MNAT1: variants seen among roughly 807,000 people sequenced by gnomAD.
MNAT1 encodes CDK-activating kinase assembly factor MAT1.
A neutral mutation model predicts 42.0 loss-of-function variants in MNAT1; 43 were observed. The ratio of observed to expected loss-of-function variants is 1.02; its 90% confidence interval spans 0.80 to 1.32. MNAT1 has a LOEUF of 1.32. Among genes scored for constraint, MNAT1 ranks in the 40% most tolerant of loss-of-function variants. The probability of loss-of-function intolerance (pLI) is 0.00; values close to 1 mark genes in which losing one functional copy is unlikely to be tolerated. For missense variants in MNAT1, 306 were observed against 350.4 expected, an observed-to-expected ratio of 0.87 and a Z score of 1.01; for synonymous variants, 118 against 120.0, an observed-to-expected ratio of 0.98 and a Z score of 0.11.
chr14:60,860,012 C>G (rs1039523381), intron 6 of MNAT1, among the ~76,000 whole-genome samples: 2 of 152,162 alleles, frequency 1.3e-5, no homozygotes, highest in African/African-American at 4.8e-5. Context: ...AGTTTTCTCT[C>G]CTGAATTGTT....
intron 1 of MNAT1, among the ~76,000 whole-genome samples, chr14:60,777,514 T>C (rs572490244): frequency 2.6e-5 from 4 of 151,868 alleles, no homozygotes; most frequent in Non-Finnish European, 5.9e-5. Flanking sequence ...AGGTATTTGA[T>C]TTAATCTCAT....
At chr14:60,931,066 G>A (rs1201737145) in intron 7 of MNAT1, among the ~76,000 whole-genome samples, 1 of 152,152 alleles carries the variant, frequency 6.6e-6, no homozygotes, top group Non-Finnish European at 1.5e-5. Flanking sequence ...AAAATAAAGT[G>A]CCAAAATAAG....
At chr14:60,916,035 G>T (rs979409390) in intron 7 of MNAT1, among the ~76,000 whole-genome samples, 1 of 152,150 alleles carries the variant, frequency 6.6e-6, no homozygotes, top group Non-Finnish European at 1.5e-5. Flanking sequence ...GAGCGCTGTG[G>T]TAACTTTTCC....
chr14:60,868,070 T>G (rs1315744844), intron 6 of MNAT1, among the ~76,000 whole-genome samples: 1 of 151,900 alleles, frequency 6.6e-6, no homozygotes, highest in Non-Finnish European at 1.5e-5. Flanking sequence ...TAAAATAAAT[T>G]GAAAACAACT....
intron 1 of MNAT1, among the ~76,000 whole-genome samples, chr14:60,760,363 A>C (rs2030551133): frequency 6.6e-6 from 1 of 152,096 alleles, no homozygotes; most frequent in South Asian, 2.1e-4. Flanking sequence ...AATTCCCTGC[A>C]ACAGTGTACA....
intron 3 of MNAT1, among the ~76,000 whole-genome samples, chr14:60,807,582 T>C (rs1212353034): frequency 6.6e-6 from 1 of 152,210 alleles, no homozygotes; most frequent in Non-Finnish European, 1.5e-5. Flanking sequence ...TTTTTAATTG[T>C]TCAGAGTATT....
chr14:60,899,986 A>G (rs2035038700), intron 7 of MNAT1, among the ~76,000 whole-genome samples: 1 of 151,946 alleles, frequency 6.6e-6, no homozygotes. Flanking sequence ...CTGTACCCGT[A>G]TAAGAAGGTG....
At chr14:60,858,595 G>A (rs947153609) in intron 6 of MNAT1, among the ~76,000 whole-genome samples, 3 of 152,078 alleles carry the variant, frequency 2.0e-5, no homozygotes, top group African/African-American at 7.2e-5. Flanking sequence ...TGCGTTAAAT[G>A]CTTTCAAACA....
At chr14:60,765,117 G>A (rs954732985) in intron 1 of MNAT1, among the ~76,000 whole-genome samples, 1 of 152,192 alleles carries the variant, frequency 6.6e-6, no homozygotes, top group African/African-American at 2.4e-5. Flanking sequence ...CTGGGCTTGC[G>A]GCGCATGCCT....
At chr14:60,909,165 G>C (rs898250862) in intron 7 of MNAT1, among the ~76,000 whole-genome samples, 12 of 152,040 alleles carry the variant, frequency 7.9e-5, no homozygotes, top group African/African-American at 2.7e-4. Context: ...CTTTTTGATG[G>C]GGTTTTTTGT....
intron 7 of MNAT1, among the ~76,000 whole-genome samples, chr14:60,906,801 T>G (rs2035210079): frequency 6.6e-6 from 1 of 152,240 alleles, no homozygotes; most frequent in Non-Finnish European, 1.5e-5. Flanking sequence ...AAAAATCTTT[T>G]GTTGGTCCAA....
rs138163390 is a variant in MNAT1 at position 60,828,622 on chromosome 14, A to G, written c.687+9775A>G. 2.7e-3 allele frequency among the ~76,000 whole-genome samples: 406 copies of G among 152,122 alleles called. 2 individuals carry two copies. The highest frequency in any genetic ancestry group is 8.3e-3 in the African/African-American group (344 of 41,490). ...CACCAATAGGATTTCCTACAGTTTAACCCAATTCTGACACTAACCGGAATT... is the reference window on the plus strand; with the variant it reads ...CACCAATAGGATTTCCTACAGTTTAGCCCAATTCTGACACTAACCGGAATT... On this transcript the variant is annotated intron_variant, in intron 6 of 7. Transcript: ENST00000261245.
intron 6 of MNAT1, among the ~76,000 whole-genome samples, chr14:60,847,403 CAAAA>C (rs77882001): frequency 1.8e-5 from 1 of 54,606 alleles, no homozygotes. Flanking sequence ...GACAACGTCT[CAAAA>C]AAAAAAAAAA....
At chr14:60,886,637 A>T (rs1281145100) in intron 7 of MNAT1, among the ~76,000 whole-genome samples, 1 of 152,062 alleles carries the variant, frequency 6.6e-6, no homozygotes, top group Non-Finnish European at 1.5e-5. Context: ...TTGATTACAA[A>T]AAAGCTAATG....
intron 7 of MNAT1, among the ~76,000 whole-genome samples, chr14:60,890,654 A>G (rs2034820111): frequency 6.6e-6 from 1 of 152,208 alleles, no homozygotes; most frequent in African/African-American, 2.4e-5. Context: ...GTTTAAGTCC[A>G]AGAGTCCACA....
intron 6 of MNAT1, 98 bp downstream of exon 6, chr14:60,818,945 G>A: frequency 3.7e-6 from 5 of 1,359,930 alleles, no homozygotes; most frequent in Non-Finnish European, 5.0e-6. Context: ...ATGTTCAGAT[G>A]TTTAAGAACA....
intron 6 of MNAT1, among the ~76,000 whole-genome samples, chr14:60,836,366 T>C (rs2033389205): frequency 6.6e-6 from 1 of 152,240 alleles, no homozygotes; most frequent in African/African-American, 2.4e-5. Flanking sequence ...TCTTCATCTT[T>C]GTGGATTTGT....
At chr14:60,959,249 C>A (rs572884236) in intron 7 of MNAT1, among the ~76,000 whole-genome samples, 2 of 152,318 alleles carry the variant, frequency 1.3e-5, no homozygotes, top group African/African-American at 4.8e-5. Flanking sequence ...ACCGTGGTAT[C>A]CTCAGGGGTG....
intron 7 of MNAT1, among the ~76,000 whole-genome samples, chr14:60,912,354 T>A (rs2035390635): frequency 6.6e-6 from 1 of 152,262 alleles, no homozygotes; most frequent in South Asian, 2.1e-4. Flanking sequence ...GTGAATTTGA[T>A]CCTGTCATTA....
Sources: gnomAD v4.1 joint callset for allele counts (sites outside exome capture counted in the v4.1 genomes callset) on GRCh38, gnomAD v4.1.1 for gene constraint, MANE v1.5 for transcripts, NCBI Gene and HGNC (gene_info 2026-07-23, HGNC 2026-07-21) for gene names.